The following EXOC4 variants were observed in gnomAD, a reference collection of about 807,000 sequenced individuals.
EXOC4 encodes exocyst complex component 4, also known as SEC8-like 1.
Under a neutral mutation model 107.2 loss-of-function variants are expected in EXOC4, and 71 were observed. That is an observed-to-expected ratio of 0.66 (90% CI 0.55 to 0.81). The LOEUF (loss-of-function observed/expected upper bound fraction) is 0.81. Among genes scored for constraint, EXOC4 ranks in the 30% least tolerant of loss-of-function variants. The pLI is 0.00. For missense variants in EXOC4, 1,108 were observed against 1,189.6 expected (o/e 0.93, Z 1.01); for synonymous variants, 456 against 441.2 (o/e 1.03, Z -0.42).
intron 9 of EXOC4, among the ~76,000 whole-genome samples, chr7:133,543,413 T>C (rs1800419250): frequency 6.6e-6 from 1 of 152,150 alleles, no homozygotes; most frequent in South Asian, 2.1e-4. Flanking sequence ...TTCATCTCTA[T>C]ATTTTATATT....
At chr7:133,881,574 C>T (rs1378186664) in intron 11 of EXOC4, among the ~76,000 whole-genome samples, 1 of 152,068 alleles carries the variant, frequency 6.6e-6, no homozygotes, top group East Asian at 1.9e-4. Flanking sequence ...TGTCCTTATT[C>T]GTGAACTTAT....
chr7:133,832,450 A>G (rs967960290), intron 11 of EXOC4, among the ~76,000 whole-genome samples: 1 of 152,184 alleles, frequency 6.6e-6, no homozygotes, highest in Non-Finnish European at 1.5e-5. Context: ...CCCATGCTTC[A>G]CCTATTCAAC....
At chr7:133,870,989 A>G (rs1268528204) in intron 11 of EXOC4, among the ~76,000 whole-genome samples, 1 of 152,242 alleles carries the variant, frequency 6.6e-6, no homozygotes, top group East Asian at 1.9e-4. Context: ...GCTGTGCTCC[A>G]GGGAGCTAGT....
At chr7:133,853,323 GTCTCTCTC>G (rs113296842) in intron 11 of EXOC4, among the ~76,000 whole-genome samples, 1 of 102,050 alleles carries the variant, frequency 9.8e-6, no homozygotes, top group Non-Finnish European at 2.2e-5. Context: ...CTCTCTTTCT[GTCTCTCTC>G]TCTCTCTCTC....
At chr7:133,548,205 T>C (rs976339386) in intron 9 of EXOC4, among the ~76,000 whole-genome samples, 2 of 152,100 alleles carry the variant, frequency 1.3e-5, no homozygotes, top group African/African-American at 2.4e-5. Flanking sequence ...CCACTTTCTT[T>C]GCTTGACTAT....
At chr7:134,048,025 G>T (rs1795695964) in intron 17 of EXOC4, among the ~76,000 whole-genome samples, 1 of 152,192 alleles carries the variant, frequency 6.6e-6, no homozygotes, top group African/African-American at 2.4e-5. Context: ...AGTAGGGAGT[G>T]CTGATTGGTT....
intron 11 of EXOC4, among the ~76,000 whole-genome samples, chr7:133,839,739 T>C (rs1233978282): frequency 6.6e-6 from 1 of 152,242 alleles, no homozygotes; most frequent in Non-Finnish European, 1.5e-5. Context: ...GTTAGTTTCA[T>C]CTTTTTAATT....
At chr7:134,096,647 T>TAA in the EXOC4 span, among the ~76,000 whole-genome samples, 1 of 152,142 alleles carries the variant, frequency 6.6e-6, no homozygotes, top group Non-Finnish European at 1.5e-5. Context: ...AACCACTGGT[T>TAA]AAGTCCAAGA....
intron 7 of EXOC4, among the ~76,000 whole-genome samples, chr7:133,391,611 G>A (rs1475754417): frequency 6.6e-6 from 1 of 152,148 alleles, no homozygotes; most frequent in Non-Finnish European, 1.5e-5. Flanking sequence ...GAATGAGCAT[G>A]GAAGTAAAGA....
At chr7:133,897,921 A>G (rs1271287684) in intron 12 of EXOC4, among the ~76,000 whole-genome samples, 2 of 152,086 alleles carry the variant, frequency 1.3e-5, no homozygotes, top group Admixed American at 6.6e-5. Context: ...TATAGTGACC[A>G]TGATGTTCAA....
At chr7:133,964,368 G>A (rs1801014669) in intron 14 of EXOC4, among the ~76,000 whole-genome samples, 1 of 151,460 alleles carries the variant, frequency 6.6e-6, no homozygotes, top group Non-Finnish European at 1.5e-5. Context: ...TGGGATACAT[G>A]TGCAGAATGT....
intron 7 of EXOC4, among the ~76,000 whole-genome samples, chr7:133,379,169 A>G (rs188250903): frequency 6.2e-4 from 94 of 152,236 alleles, no homozygotes; most frequent in Admixed American, 1.4e-3. Flanking sequence ...TTTCTTTGAA[A>G]AATGGGCAGC....
At chr7:133,762,753 G>A (rs1193088206) in intron 10 of EXOC4, among the ~76,000 whole-genome samples, 1 of 151,944 alleles carries the variant, frequency 6.6e-6, no homozygotes, top group East Asian at 1.9e-4. Flanking sequence ...TAATGACACT[G>A]GAAAACATGT....
chr7:133,357,661 A>G (rs1796051789), intron 6 of EXOC4, among the ~76,000 whole-genome samples: 1 of 152,206 alleles, frequency 6.6e-6, no homozygotes, highest in Non-Finnish European at 1.5e-5. Context: ...TTAAAAGAAG[A>G]TAAAATTAAG....
intron 9 of EXOC4, among the ~76,000 whole-genome samples, chr7:133,507,118 A>G (rs1157812091): frequency 1.3e-5 from 2 of 152,160 alleles, no homozygotes; most frequent in Non-Finnish European, 2.9e-5. Context: ...AAAAGACCAT[A>G]AAGTAAGTAG....
intron 9 of EXOC4, among the ~76,000 whole-genome samples, chr7:133,622,413 A>G (rs1802356297): frequency 6.6e-6 from 1 of 152,046 alleles, no homozygotes; most frequent in African/African-American, 2.4e-5. Context: ...CATGTTTTTG[A>G]CATCCAGGGA....
Position 133,987,307 on chromosome 7 carries a change from A to T in EXOC4, c.2207-10185A>T, listed in dbSNP as rs765807252. On this transcript the variant is annotated intron_variant, in intron 14 of 17. Coordinates refer to ENST00000253861, the MANE Select transcript of EXOC4 (RefSeq NM_021807.4). ...GAGACCCTTTCTGTACAAAAGAATT[A>T]AAAAATTAGCCAGGCGTGGTGGTGC... Among the ~76,000 whole-genome samples, 95 of 151,648 alleles carry T rather than the reference A, an allele frequency of 6.3e-4. 1 individual carries two copies. The highest frequency in any genetic ancestry group is 2.1e-3 in the South Asian group (10 of 4,756).
chr7:133,271,416 A>G (rs1207843496), intron 1 of EXOC4, among the ~76,000 whole-genome samples: 2 of 152,122 alleles, frequency 1.3e-5, no homozygotes, highest in Non-Finnish European at 2.9e-5. Context: ...CTTAGATTTT[A>G]TTATTGTTGG....
chr7:133,590,351 A>G (rs1378346433), intron 9 of EXOC4, among the ~76,000 whole-genome samples: 2 of 152,060 alleles, frequency 1.3e-5, no homozygotes, highest in African/African-American at 4.8e-5. Context: ...GTGCAGTGTA[A>G]CAATCATAGC....
Sources: gnomAD v4.1 joint callset for allele counts (sites outside exome capture counted in the v4.1 genomes callset) on GRCh38, gnomAD v4.1.1 for gene constraint, MANE v1.5 for transcripts, NCBI Gene and HGNC (gene_info 2026-07-23, HGNC 2026-07-21) for gene names.